Variants in PGCKA1 observed in about 807,000 individuals in gnomAD.
The protein encoded by PGCKA1 is PDCD10 and GCKIII kinases-associated protein 1.
chr4:37,503,710 G>C, the PGCKA1 span, among the ~76,000 whole-genome samples: 1 of 152,162 alleles, frequency 6.6e-6, no homozygotes, highest in African/African-American at 2.4e-5. Context: ...CAATGATGTT[G>C]AGCACCTTTT....
At chr4:37,588,682 C>A in the PGCKA1 span, 1 of 565,948 alleles carries the variant, frequency 1.8e-6, no homozygotes, top group Non-Finnish European at 3.2e-6. Flanking sequence ...ATGGGGTATT[C>A]CTGGTAACCA....
At chr4:37,517,217 C>A in the PGCKA1 span, among the ~76,000 whole-genome samples, 2 of 150,834 alleles carry the variant, frequency 1.3e-5, no homozygotes, top group South Asian at 2.1e-4. Context: ...TGCCACTGCA[C>A]TTCAGCATGG....
chr4:37,541,528 C>T, the PGCKA1 span, among the ~76,000 whole-genome samples: 1 of 152,332 alleles, frequency 6.6e-6, no homozygotes, highest in African/African-American at 2.4e-5. Flanking sequence ...CTCTTAGGGG[C>T]CTCCCTCTAC....
chr4:37,589,734 C>A, the PGCKA1 span, among the ~76,000 whole-genome samples: 3 of 152,126 alleles, frequency 2.0e-5, no homozygotes, highest in Admixed American at 2.0e-4. Context: ...CAGGTTCAAG[C>A]GATTCTCCTA....
chr4:37,530,726 C>G, the PGCKA1 span, among the ~76,000 whole-genome samples: 1 of 151,990 alleles, frequency 6.6e-6, no homozygotes, highest in Admixed American at 6.6e-5. Context: ...CCTGTAAGCC[C>G]AGCACTTTGG....
chr4:37,486,973 A>G, the PGCKA1 span, among the ~76,000 whole-genome samples: 5 of 152,182 alleles, frequency 3.3e-5, no homozygotes, highest in African/African-American at 1.2e-4. Context: ...GAAAGCTACT[A>G]ATTTCTCTAC....
At chr4:37,454,115 C>T in the PGCKA1 span, 1 of 153,038 alleles carries the variant, frequency 6.5e-6, no homozygotes, top group Non-Finnish European at 1.5e-5. Context: ...GGCGAGCTTT[C>T]CCCCACTTCT....
chr4:37,534,741 T>C, the PGCKA1 span, among the ~76,000 whole-genome samples: 1 of 152,310 alleles, frequency 6.6e-6, no homozygotes, highest in South Asian at 2.1e-4. Context: ...CTTCAACCTC[T>C]TTTGTAAGGA....
chr4:37,588,585 G>T, the PGCKA1 span: 1 of 399,910 alleles, frequency 2.5e-6, no homozygotes, highest in Non-Finnish European at 4.6e-6. Context: ...AAATGGGGAT[G>T]AAACACATAA....
the PGCKA1 span, among the ~76,000 whole-genome samples, chr4:37,535,747 T>C: frequency 6.6e-6 from 1 of 152,190 alleles, no homozygotes; most frequent in Non-Finnish European, 1.5e-5. Context: ...ACATTATGGA[T>C]GAGGAAATTG....
chr4:37,544,690 G>C, the PGCKA1 span, among the ~76,000 whole-genome samples: 1 of 151,726 alleles, frequency 6.6e-6, no homozygotes, highest in African/African-American at 2.4e-5. Flanking sequence ...TTCAGTTTGG[G>C]GGAACAAGTA....
the PGCKA1 span, among the ~76,000 whole-genome samples, chr4:37,539,882 G>T: frequency 7.2e-5 from 11 of 152,202 alleles, no homozygotes; most frequent in African/African-American, 2.6e-4. Context: ...GTTGTAAAAT[G>T]ATCAAAACAG....
the PGCKA1 span, among the ~76,000 whole-genome samples, chr4:37,566,131 TGTTA>T: frequency 2.6e-5 from 4 of 152,302 alleles, no homozygotes; most frequent in Admixed American, 6.5e-5. Context: ...ATGTCTATCC[TGTTA>T]GTTCTGTCCC....
At chr4:37,546,291 G>T in the PGCKA1 span, among the ~76,000 whole-genome samples, 1 of 152,180 alleles carries the variant, frequency 6.6e-6, no homozygotes, top group Non-Finnish European at 1.5e-5. Context: ...CAGGCAGCCT[G>T]GCGCCAGGCC....
chr4:37,530,573 C>CAAA, the PGCKA1 span, among the ~76,000 whole-genome samples: 15 of 71,358 alleles, frequency 2.1e-4, no homozygotes, highest in Middle Eastern at 8.9e-3. Context: ...AACTATGTCT[C>CAAA]AAAAAAAAAA....
chr4:37,500,171 G>A, the PGCKA1 span, among the ~76,000 whole-genome samples: 502 of 152,074 alleles, frequency 3.3e-3, 6 homozygotes, highest in African/African-American at 0.011. Context: ...TGATCTGTCC[G>A]CCTCAGCCTC....
At chr4:37,555,458 A>G in the PGCKA1 span, among the ~76,000 whole-genome samples, 1 of 152,216 alleles carries the variant, frequency 6.6e-6, no homozygotes, top group Non-Finnish European at 1.5e-5. Flanking sequence ...ATGGCCCTGG[A>G]TAAGTCACTA....
At chr4:37,516,887 T>C in the PGCKA1 span, among the ~76,000 whole-genome samples, 1,748 of 152,292 alleles carry the variant, frequency 0.011, 44 homozygotes, top group African/African-American at 0.04. Context: ...TGTGAGATGA[T>C]ACACTGGCAT....
chr4:37,538,293 T>C, the PGCKA1 span, among the ~76,000 whole-genome samples: 2 of 152,180 alleles, frequency 1.3e-5, no homozygotes, highest in Admixed American at 6.5e-5. Flanking sequence ...TAAATAAACA[T>C]GTATGTGCAA....
Sources: allele counts gnomAD v4.1 joint callset (sites outside exome capture counted in the v4.1 genomes callset), GRCh38; gene constraint gnomAD v4.1.1; transcripts MANE v1.5; gene names NCBI Gene and HGNC (gene_info 2026-07-23, HGNC 2026-07-21).